The following VWC2 variants were observed in gnomAD, a reference collection of about 807,000 sequenced individuals.
The protein encoded by VWC2 is brorin.
In VWC2, 14 loss-of-function variants were observed where a neutral mutation model predicts 29.8. That is an observed-to-expected ratio of 0.47 (90% CI 0.31 to 0.74). The LOEUF (loss-of-function observed/expected upper bound fraction) is 0.74, where lower values mean the gene tolerates loss of function less well. Ranked by LOEUF, VWC2 falls within the 30% of genes least tolerant of loss-of-function variation. The pLI, the probability that VWC2 is intolerant of heterozygous loss-of-function variation, is 0.05. For missense variants in VWC2, 457 were observed against 459.8 expected, an observed-to-expected ratio of 0.99 and a Z score of 0.05; for synonymous variants, 213 against 199.0, an observed-to-expected ratio of 1.07 and a Z score of -0.59.
intron 3 of VWC2, among the ~76,000 whole-genome samples, chr7:49,894,019 C>T (rs1324883153): frequency 1.3e-5 from 2 of 152,126 alleles, no homozygotes; most frequent in Non-Finnish European, 2.9e-5. Flanking sequence ...TCTGGTGTGA[C>T]GAACCATTCC....
chr7:49,823,677 T>C (rs1183268106), intron 3 of VWC2, among the ~76,000 whole-genome samples: 1 of 152,162 alleles, frequency 6.6e-6, no homozygotes, highest in Non-Finnish European at 1.5e-5. Flanking sequence ...GCAAACTGCC[T>C]GCATAAAGGA....
At chr7:49,857,426 A>G (rs1265739888) in intron 3 of VWC2, among the ~76,000 whole-genome samples, 2 of 152,168 alleles carry the variant, frequency 1.3e-5, no homozygotes, top group East Asian at 3.8e-4. Context: ...TCATTCATCC[A>G]TCTGTCCAGG....
chr7:49,848,676 C>A (rs943955112), intron 3 of VWC2, among the ~76,000 whole-genome samples: 1 of 152,222 alleles, frequency 6.6e-6, no homozygotes, highest in Non-Finnish European at 1.5e-5. Flanking sequence ...CGTTTCTCAC[C>A]TCCTCAGACC....
At chr7:49,783,248 G>A (rs1033675558) in intron 2 of VWC2, among the ~76,000 whole-genome samples, 7 of 152,120 alleles carry the variant, frequency 4.6e-5, no homozygotes, top group South Asian at 2.1e-4. Flanking sequence ...GTGACGGGAA[G>A]TAAATGGCCC....
At chr7:49,833,420 T>A (rs560583774) in intron 3 of VWC2, among the ~76,000 whole-genome samples, 35 of 152,298 alleles carry the variant, frequency 2.3e-4, no homozygotes, top group African/African-American at 8.4e-4. Flanking sequence ...ATAACAAGTT[T>A]TGCAGTAGAG....
chr7:49,775,510 T>C lies in VWC2; in HGVS notation c.75T>C (p.Ala25=). ...TGGTCACCTGCTGCCTGATGGTGGC[T>C]CTGTGCAGTCCGAGCATCCCGCTGG... ...SLLVTCCLMV[A]LCSPSIPLEK... The change falls in exon 2 of 4, where the codon GCT becomes GCC. Residue 25 remains alanine (A), a synonymous_variant. Coordinates refer to ENST00000340652, the MANE Select transcript of VWC2 (RefSeq NM_198570.5). 1 of 1,572,720 alleles carries C rather than the reference T, an allele frequency of 6.4e-7. No individual in the cohort carries two copies. The highest frequency in any genetic ancestry group is 2.3e-4 in the Middle Eastern group (1 of 4,414).
At chr7:49,827,547 T>C (rs1331709812) in intron 3 of VWC2, among the ~76,000 whole-genome samples, 4 of 78,700 alleles carry the variant, frequency 5.1e-5, no homozygotes, top group African/African-American at 1.9e-4. Flanking sequence ...CAATAACTTT[T>C]TATTTTTCTT....
At chr7:49,870,590 G>A (rs988970872) in intron 3 of VWC2, among the ~76,000 whole-genome samples, 4 of 152,128 alleles carry the variant, frequency 2.6e-5, no homozygotes, top group Admixed American at 6.5e-5. Context: ...CATGTCTTAC[G>A]AGTAGGATTT....
chr7:49,903,201 A>G (rs1792872806), intron 3 of VWC2, among the ~76,000 whole-genome samples: 1 of 152,216 alleles, frequency 6.6e-6, no homozygotes, highest in South Asian at 2.1e-4. Flanking sequence ...AGTTTCTTAT[A>G]AAACTAAATA....
chr7:49,798,784 G>T (rs986714495), intron 2 of VWC2, among the ~76,000 whole-genome samples: 1 of 152,204 alleles, frequency 6.6e-6, no homozygotes, highest in African/African-American at 2.4e-5. Flanking sequence ...GGGCATTGGG[G>T]TTTGTGTTTG....
At chr7:49,862,677 C>T (rs1790703749) in intron 3 of VWC2, among the ~76,000 whole-genome samples, 1 of 150,532 alleles carries the variant, frequency 6.6e-6, no homozygotes, top group Non-Finnish European at 1.5e-5. Context: ...TATAATAGAT[C>T]ATTGGATTTT....
At chr7:49,849,886 A>G (rs1380702952) in intron 3 of VWC2, among the ~76,000 whole-genome samples, 1 of 152,220 alleles carries the variant, frequency 6.6e-6, no homozygotes, top group Non-Finnish European at 1.5e-5. Context: ...GACCCTGGAG[A>G]GACTGAGCAC....
intron 3 of VWC2, among the ~76,000 whole-genome samples, chr7:49,888,096 G>A (rs997310997): frequency 6.6e-6 from 1 of 152,196 alleles, no homozygotes; most frequent in Non-Finnish European, 1.5e-5. Context: ...ACTCTTCTCA[G>A]CCTCTTCAGT....
chr7:49,787,494 A>G (rs1006764792), intron 2 of VWC2, among the ~76,000 whole-genome samples: 1 of 152,156 alleles, frequency 6.6e-6, no homozygotes, highest in South Asian at 2.1e-4. Context: ...ACACTGTGGC[A>G]TTGTTGACAA....
intron 3 of VWC2, among the ~76,000 whole-genome samples, chr7:49,888,915 A>G (rs1792014427): frequency 6.6e-6 from 1 of 152,072 alleles, no homozygotes; most frequent in South Asian, 2.1e-4. Flanking sequence ...TCATCTCAAA[A>G]AAAACAAAAA....
At chr7:49,802,617 G>C in intron 2 of VWC2, 94 bp from the exon 3 acceptor site, 1 of 1,527,718 alleles carries the variant, frequency 6.5e-7, no homozygotes. Context: ...CAGTGTGAGC[G>C]ACAGAGCGAG....
intron 3 of VWC2, among the ~76,000 whole-genome samples, chr7:49,885,337 C>T (rs1240043686): frequency 6.6e-6 from 1 of 151,868 alleles, no homozygotes; most frequent in East Asian, 1.9e-4. Flanking sequence ...TAAACCACAA[C>T]CTAATTTTTA....
chr7:49,906,866 T>C (rs1793126984), intron 3 of VWC2, among the ~76,000 whole-genome samples: 1 of 152,208 alleles, frequency 6.6e-6, no homozygotes, highest in Non-Finnish European at 1.5e-5. Context: ...TTTTTCCTCA[T>C]GAATACAGGC....
intron 3 of VWC2, among the ~76,000 whole-genome samples, chr7:49,877,481 A>AAAAAAAAATATACATATAT: frequency 1.6e-4 from 2 of 12,720 alleles, no homozygotes; most frequent in Non-Finnish European, 1.4e-4. Flanking sequence ...AAAAAAAAAA[A>AAAAAAAAATATACATATAT]ATATATATAT....
Sources: allele counts gnomAD v4.1 joint callset (sites outside exome capture counted in the v4.1 genomes callset), GRCh38; gene constraint gnomAD v4.1.1; transcripts MANE v1.5; gene names NCBI Gene and HGNC (gene_info 2026-07-23, HGNC 2026-07-21).